The following COL22A1 variants were observed in gnomAD, a reference collection of about 807,000 sequenced individuals.
COL22A1 encodes collagen type XXII alpha 1 chain, also known as collagen alpha-1(XXII) chain.
A neutral mutation model predicts 248.9 loss-of-function variants in COL22A1; 221 were observed. The ratio of observed to expected loss-of-function variants is 0.89; its 90% CI spans 0.80 to 0.99. The LOEUF (loss-of-function observed/expected upper bound fraction) is 0.99. Ranked by LOEUF, COL22A1 falls within the 50% of genes least tolerant of loss-of-function variation. COL22A1 has a pLI of 0.00. For synonymous variants in COL22A1, 891 were observed against 793.4 expected (o/e 1.12, Z -2.07); for missense variants, 2,240 against 2,179.0 (o/e 1.03, Z -0.56).
intron 32 of COL22A1, 105 bp from the exon 33 acceptor site, chr8:138,694,984 G>C (rs767257700): frequency 3.8e-6 from 4 of 1,056,604 alleles, no homozygotes; most frequent in Non-Finnish European, 5.6e-6. Flanking sequence ...CCAGTCCTGT[G>C]TATCACCTGA....
chr8:138,806,102 GTGTT>G (rs1817668696), intron 10 of COL22A1, among the ~76,000 whole-genome samples: 8 of 2,154 alleles, frequency 3.7e-3, no homozygotes, highest in African/African-American at 6.8e-3. Flanking sequence ...GTGTGATGGT[GTGTT>G]TGTGTGTGAT....
At chr8:138,638,545 T>C (rs375153899) in intron 47 of COL22A1, among the ~76,000 whole-genome samples, 1 of 152,170 alleles carries the variant, frequency 6.6e-6, no homozygotes, top group Non-Finnish European at 1.5e-5. Context: ...AGTGACTATC[T>C]AATAATCCCC....
chr8:138,855,939 G>A (rs748379295), intron 3 of COL22A1, among the ~76,000 whole-genome samples: 18 of 152,192 alleles, frequency 1.2e-4, no homozygotes, highest in Non-Finnish European at 2.5e-4. Flanking sequence ...GGAGGCCTTT[G>A]GAGCCATGCA....
At chr8:138,779,455 C>G in intron 14 of COL22A1, 54 bp downstream of exon 14, 1 of 1,331,356 alleles carries the variant, frequency 7.5e-7, no homozygotes, top group Non-Finnish European at 1.1e-6. Flanking sequence ...TGGCTTTGCA[C>G]TGGGCCTTGT....
chr8:138,797,624 G>T (rs1475762495), intron 11 of COL22A1, among the ~76,000 whole-genome samples: 1 of 152,122 alleles, frequency 6.6e-6, no homozygotes, highest in Non-Finnish European at 1.5e-5. Context: ...GAATTGCTGG[G>T]TCATATGGTA....
rs149311175 is a variant in COL22A1 at position 138,826,752 on chromosome 8, T to C, written c.875A>G (p.Glu292Gly). The C allele has an allele frequency of 4.3e-4, 698 of 1,613,946 alleles. 1 individual carries two copies. Among genetic ancestry groups the C allele is most frequent in the Non-Finnish European group, 5.4e-4 (635 of 1,179,984 alleles). ...EDVFPQGLPD[E>G]YAFVTTFRFR... The stretch of plus-strand genomic sequence containing the variant: ...CCGGAAGGTTGTGACAAAGGCGTAC[T>C]CATCAGGTAAACCTTGGGGGAACAC... Residue 292 changes from glutamate to glycine, a missense_variant, in exon 6 of 65, where the codon GAG (glutamate) becomes GGG (glycine). Glu to Gly is a moderately conservative substitution (Grantham distance 98). Coordinates refer to ENST00000303045, the MANE Select transcript of COL22A1 (RefSeq NM_152888.3).
At chr8:138,666,471 C>A (rs1786268092) in intron 41 of COL22A1, among the ~76,000 whole-genome samples, 2 of 152,302 alleles carry the variant, frequency 1.3e-5, no homozygotes, top group East Asian at 1.9e-4. Context: ...CATTAAATAG[C>A]TTGGCTAAGG....
chr8:138,873,403 C>T (rs887673570), intron 3 of COL22A1, among the ~76,000 whole-genome samples: 1 of 152,146 alleles, frequency 6.6e-6, no homozygotes, highest in African/African-American at 2.4e-5. Context: ...GCGCACATCA[C>T]AACAGCAAGC....
At position 138,646,646 on chromosome 8, in the gene COL22A1, C is replaced by G; in HGVS notation, c.3484G>C (p.Gly1162Arg). The G allele has an allele frequency of 1.3e-6, 2 of 1,583,266 alleles. No individual in the cohort carries two copies. Among genetic ancestry groups the G allele is most frequent in the Non-Finnish European group, 1.7e-6 (2 of 1,164,480 alleles). The change falls in exon 47 of 65, where the codon GGA becomes CGA. Residue 1162 changes from glycine to arginine, a missense_variant. By Grantham distance (125) the Gly-to-Arg change is moderately radical. Coordinates refer to ENST00000303045, the MANE Select transcript of COL22A1 (RefSeq NM_152888.3). Reference sequence around the variant, plus strand: ...TCACTGACCTGTGGTCCAGCTATTCCTGGGGGCCCTGGTAGGCCTGGAGGC... The same window carrying G: ...TCACTGACCTGTGGTCCAGCTATTCGTGGGGGCCCTGGTAGGCCTGGAGGC... ...AGPPGLPGPP[G>R]IAGPQGSQGE...
At chr8:138,664,813 G>A (rs1824351774) in intron 41 of COL22A1, among the ~76,000 whole-genome samples, 1 of 152,178 alleles carries the variant, frequency 6.6e-6, no homozygotes, top group African/African-American at 2.4e-5. Flanking sequence ...GAGAACTTGA[G>A]AATCAATGCC....
chr8:138,733,855 T>C (rs1830892486), intron 23 of COL22A1, among the ~76,000 whole-genome samples: 1 of 152,206 alleles, frequency 6.6e-6, no homozygotes, highest in Admixed American at 6.5e-5. Flanking sequence ...AGTAGGACCC[T>C]GATCTGCAAA....
chr8:138,831,047 C>A (rs900003086), intron 5 of COL22A1, among the ~76,000 whole-genome samples: 1 of 152,180 alleles, frequency 6.6e-6, no homozygotes, highest in African/African-American at 2.4e-5. Context: ...GAAAACGAGA[C>A]TCAGAGAGGA....
chr8:138,903,336 C>T (rs1247715192), intron 1 of COL22A1, among the ~76,000 whole-genome samples: 1 of 152,168 alleles, frequency 6.6e-6, no homozygotes, highest in Non-Finnish European at 1.5e-5. Flanking sequence ...CTGAAGGAAA[C>T]AGAAATAACC....
At chr8:138,812,314 C>T (rs562494371) in intron 8 of COL22A1, among the ~76,000 whole-genome samples, 7 of 152,322 alleles carry the variant, frequency 4.6e-5, no homozygotes, top group South Asian at 2.1e-4. Context: ...GAGCCGGGTG[C>T]GCTGGCTGAG....
chr8:138,817,036 C>A (rs183278660), intron 7 of COL22A1, among the ~76,000 whole-genome samples: 1 of 152,328 alleles, frequency 6.6e-6, no homozygotes, highest in African/African-American at 2.4e-5. Context: ...ATAGCTCTGA[C>A]AGGTGTGAGT....
intron 42 of COL22A1, among the ~76,000 whole-genome samples, 197 bp downstream of exon 42, chr8:138,663,508 C>T (rs1824171893): frequency 6.6e-6 from 1 of 152,178 alleles, no homozygotes; most frequent in Admixed American, 6.5e-5. Context: ...TGTGGCATCC[C>T]TTCTCTGCTC....
chr8:138,650,676 A>AGAT (rs1822634824), intron 45 of COL22A1, among the ~76,000 whole-genome samples: 1 of 10,348 alleles, frequency 9.7e-5, no homozygotes, highest in African/African-American at 1.3e-4. Context: ...AAGATTAGAT[A>AGAT]GATAGATAGA....
chr8:138,628,318 G>A (rs1820416824), intron 50 of COL22A1, among the ~76,000 whole-genome samples: 1 of 150,634 alleles, frequency 6.6e-6, no homozygotes, highest in Non-Finnish European at 1.5e-5. Flanking sequence ...TGGGCACCGT[G>A]GCTCATGCCT....
At chr8:138,843,965 G>A (rs148099062) in intron 4 of COL22A1, 119 bp downstream of exon 4, 1 of 873,756 alleles carries the variant, frequency 1.1e-6, no homozygotes, top group Non-Finnish European at 2.0e-6. Flanking sequence ...CAGGACTCTG[G>A]TGAAATATGG....
Sources: gnomAD v4.1 joint callset for allele counts (sites outside exome capture counted in the v4.1 genomes callset) on GRCh38, gnomAD v4.1.1 for gene constraint, MANE v1.5 for transcripts, NCBI Gene and HGNC (gene_info 2026-07-23, HGNC 2026-07-21) for gene names.